The following NPAS3 variants were observed in gnomAD, a reference collection of about 807,000 sequenced individuals.
NPAS3 encodes the protein neuronal PAS domain-containing protein 3.
In NPAS3, 14 loss-of-function variants were observed where a neutral mutation model predicts 73.1. The ratio of observed to expected loss-of-function variants is 0.19; its 90% CI spans 0.13 to 0.30. The LOEUF is 0.30. Among genes scored for constraint, NPAS3 ranks in the 10% least tolerant of loss-of-function variants. NPAS3 has a pLI of 1.00. For missense variants in NPAS3, 1,096 were observed against 1,250.0 expected, an observed-to-expected ratio of 0.88 and a Z score of 1.86; for synonymous variants, 620 against 541.5, an observed-to-expected ratio of 1.14 and a Z score of -2.01.
chr14:33,090,954 C>G (rs549038793), intron 2 of NPAS3, among the ~76,000 whole-genome samples: 32 of 151,182 alleles, frequency 2.1e-4, no homozygotes, highest in African/African-American at 7.2e-4. Context: ...CCAATGAGAA[C>G]AAACATACCA....
chr14:33,003,481 C>T (rs2038882478), intron 1 of NPAS3, among the ~76,000 whole-genome samples: 1 of 152,168 alleles, frequency 6.6e-6, no homozygotes, highest in African/African-American at 2.4e-5. Context: ...GTGGATTGGA[C>T]TTAATGCGCT....
chr14:33,786,213 G>A (rs1036080297), intron 9 of NPAS3, among the ~76,000 whole-genome samples: 5 of 152,180 alleles, frequency 3.3e-5, no homozygotes, highest in Non-Finnish European at 7.4e-5. Flanking sequence ...TTGAGCAGAC[G>A]ACCAACAATG....
At chr14:33,709,650 T>C (rs1282513860) in intron 6 of NPAS3, among the ~76,000 whole-genome samples, 1 of 152,162 alleles carries the variant, frequency 6.6e-6, no homozygotes, top group African/African-American at 2.4e-5. Flanking sequence ...CAACCCTGTG[T>C]GGGAGTCCAC....
In NPAS3 at chr14:33,672,988, G is replaced by C. The variant is rs557877220; in HGVS notation, c.559-3223G>C. Among the ~76,000 whole-genome samples, 33 of 152,356 alleles carry C rather than the reference G, an allele frequency of 2.2e-4. No homozygotes were observed. The South Asian group carries it at 6.4e-3, about 30-fold the overall frequency. ...AAGATGTGATGATAATGATGACAAT[G>C]ACTCAGGTGCATATATAAGTTGACC... On this transcript the variant is annotated intron_variant, in intron 5 of 11. Coordinates refer to ENST00000356141, the Ensembl canonical transcript of NPAS3.
chr14:32,961,195 C>T (rs1247415372), intron 1 of NPAS3, among the ~76,000 whole-genome samples: 3 of 151,826 alleles, frequency 2.0e-5, no homozygotes, highest in South Asian at 2.1e-4. Context: ...GGGCGGATCA[C>T]GAGGTCAGGA....
At position 33,705,883 on chromosome 14, in the gene NPAS3, T is replaced by A. The variant is rs115998115; in HGVS notation, c.734-29331T>A. 8.4e-3 allele frequency among the ~76,000 whole-genome samples: 1,286 copies of A among 152,354 alleles called. 25 individuals carry two copies. Among genetic ancestry groups the A allele is most frequent in the African/African-American group, 0.028 (1,183 of 41,584 alleles). ...GCGGAAATCAAATCATCTGTCAAGTTCCTCTACCTTTCATTTATCACACAG... is the reference window on the plus strand; with the variant it reads ...GCGGAAATCAAATCATCTGTCAAGTACCTCTACCTTTCATTTATCACACAG... On this transcript the variant is annotated intron_variant, in intron 6 of 11. Transcript: ENST00000356141.
At chr14:33,325,457 C>A (rs2043656532) in intron 3 of NPAS3, among the ~76,000 whole-genome samples, 1 of 151,974 alleles carries the variant, frequency 6.6e-6, no homozygotes, top group South Asian at 2.1e-4. Flanking sequence ...GCCAGCCTGG[C>A]CAACATGGTG....
intron 7 of NPAS3, among the ~76,000 whole-genome samples, chr14:33,746,118 G>A (rs2061782762): frequency 6.6e-6 from 1 of 151,982 alleles, no homozygotes; most frequent in Non-Finnish European, 1.5e-5. Flanking sequence ...CACCTGAGAG[G>A]TAGTATGCAA....
At chr14:33,707,181 CA>C (rs2060679610) in intron 6 of NPAS3, among the ~76,000 whole-genome samples, 1 of 152,146 alleles carries the variant, frequency 6.6e-6, no homozygotes, top group Non-Finnish European at 1.5e-5. Context: ...TTCTAAGGAG[CA>C]GAGGAGTTGA....
At chr14:33,210,248 A>C (rs943733220) in intron 2 of NPAS3, among the ~76,000 whole-genome samples, 1 of 152,230 alleles carries the variant, frequency 6.6e-6, no homozygotes, top group African/African-American at 2.4e-5. Flanking sequence ...CACTGTGGAC[A>C]AGTGGCCCAG....
rs1347327819 is a variant in NPAS3 at position 33,308,523 on chromosome 14, T to TACACACACAC, written c.386-58662_386-58661insCACACACACA. Among the ~76,000 whole-genome samples the TACACACACAC allele has an allele frequency of 4.2e-3, 372 of 88,816 alleles. 2 individuals are homozygous for TACACACACAC. The highest frequency in any genetic ancestry group is 0.026 in the Middle Eastern group (5 of 192). The allele number at this position is 88,816 out of a possible 152,430, so 58.3% of individuals were successfully genotyped here. A position where few individuals can be genotyped will look rare whatever the true frequency, so the allele number is the denominator to read the frequency against. On this transcript the variant is annotated intron_variant, in intron 3 of 11. Coordinates refer to ENST00000356141, the Ensembl canonical transcript of NPAS3. ...CTATTGCATAGTTTATATATATATA[T>TACACACACAC]ATATACATACACACACACACACACA...
chr14:33,198,970 C>T (rs945662060), intron 2 of NPAS3, among the ~76,000 whole-genome samples: 2 of 152,222 alleles, frequency 1.3e-5, no homozygotes, highest in Admixed American at 1.3e-4. Flanking sequence ...TCTGCAGCTG[C>T]TGGCCCAGAT....
intron 3 of NPAS3, among the ~76,000 whole-genome samples, chr14:33,349,134 T>C (rs1299450706): frequency 3.3e-5 from 5 of 152,228 alleles, no homozygotes; most frequent in African/African-American, 7.2e-5. Context: ...CTATGGCTTT[T>C]CTTTATTTAG....
intron 4 of NPAS3, among the ~76,000 whole-genome samples, chr14:33,468,452 A>T (rs1368490283): frequency 6.6e-6 from 1 of 152,214 alleles, no homozygotes; most frequent in East Asian, 1.9e-4. Context: ...GGAAATAACT[A>T]ATAAGAAATA....
chr14:33,614,307 G>A (rs1464910743), intron 5 of NPAS3, among the ~76,000 whole-genome samples: 1 of 152,164 alleles, frequency 6.6e-6, no homozygotes, highest in African/African-American at 2.4e-5. Flanking sequence ...GTAATTAATT[G>A]CCAAACAGGC....
intron 3 of NPAS3, among the ~76,000 whole-genome samples, chr14:33,224,669 T>G (rs2047558074): frequency 6.6e-6 from 1 of 152,142 alleles, no homozygotes; most frequent in Admixed American, 6.6e-5. Flanking sequence ...CTCTCTATGT[T>G]CCGCTACTTA....
At chr14:33,443,342 C>G (rs965771852) in intron 4 of NPAS3, among the ~76,000 whole-genome samples, 54 of 151,896 alleles carry the variant, frequency 3.6e-4, no homozygotes, top group South Asian at 3.5e-3. Context: ...CCAGTGATCA[C>G]TGGTTTCTTT....
chr14:33,536,120 C>G (rs1479690269), intron 4 of NPAS3, among the ~76,000 whole-genome samples: 1 of 152,130 alleles, frequency 6.6e-6, no homozygotes, highest in African/African-American at 2.4e-5. Flanking sequence ...GTGAACAGAA[C>G]TAAGCGTTCA....
intron 5 of NPAS3, among the ~76,000 whole-genome samples, chr14:33,670,603 A>C (rs2140312386): frequency 7.1e-6 from 1 of 140,582 alleles, no homozygotes; most frequent in Admixed American, 7.5e-5. Context: ...ATCCTTCAAT[A>C]ATATAAATGT....
Sources: allele counts gnomAD v4.1 joint callset (sites outside exome capture counted in the v4.1 genomes callset), GRCh38; gene constraint gnomAD v4.1.1; transcripts MANE v1.5; gene names NCBI Gene and HGNC (gene_info 2026-07-23, HGNC 2026-07-21).